DHRS4L2: variants seen among roughly 807,000 people sequenced by gnomAD.
DHRS4L2 encodes the protein dehydrogenase/reductase SDR family member 4-like 2.
Under a neutral mutation model 23.9 loss-of-function variants are expected in DHRS4L2, and 22 were observed. The observed-to-expected ratio is 0.92, with a 90% CI of 0.66 to 1.31. DHRS4L2 has a LOEUF of 1.31. Ranked by LOEUF, DHRS4L2 falls within the 40% of genes most tolerant of loss-of-function variation. DHRS4L2 has a pLI of 0.00. For missense variants in DHRS4L2, 385 were observed against 303.3 expected, an observed-to-expected ratio of 1.27 and a Z score of -2.00; for synonymous variants, 141 against 123.7, an observed-to-expected ratio of 1.14 and a Z score of -0.93.
Position 23,988,958 on chromosome 14 carries a change from C to A in DHRS4L2, c.11C>A (p.Ala4Asp). The change falls in exon 1 of 8, where the codon GCC becomes GAC. Residue 4 changes from alanine (A) to aspartate (D), a missense_variant. By Grantham distance (126) the Ala-to-Asp change is moderately radical. Coordinates refer to ENST00000335125, the MANE Select transcript of DHRS4L2 (RefSeq NM_198083.4). Reference protein sequence around the residue: MQMARLLGLCAWAR... With the variant: MQMDRLLGLCAWAR... ...TTGCTGGTCTGATCCATGCAGATGG[C>A]CAGGCTGCTAGGCCTCTGTGCCTGG... is the stretch of plus-strand genomic sequence containing the variant. 6.2e-7 allele frequency: 1 copy of A among 1,612,078 alleles called. No individual in the cohort carries two copies.
chr14:23,991,928 G>T (rs893568424), intron 2 of DHRS4L2, among the ~76,000 whole-genome samples: 1 of 151,236 alleles, frequency 6.6e-6, no homozygotes, highest in African/African-American at 2.4e-5. Context: ...TAGAGACGGG[G>T]TTTCACCATG....
intron 2 of DHRS4L2, among the ~76,000 whole-genome samples, chr14:23,993,800 C>T (rs567803536): frequency 3.3e-5 from 5 of 151,608 alleles, no homozygotes; most frequent in Non-Finnish European, 7.4e-5. Context: ...GCTTTAAATT[C>T]AGGCTGGTAT....
Position 23,977,885 on chromosome 14 carries a change from G to A in DHRS4L2, c.-176+7553G>A, listed in dbSNP as rs189648443. Among the ~76,000 whole-genome samples, 215 of 151,684 alleles carry A rather than the reference G, an allele frequency of 1.4e-3. 7 individuals carry two copies. The highest frequency in any genetic ancestry group is 0.014 in the Admixed American group (213 of 15,256). ...TATCCTTCCCAAAAATAAACACTGC[G>A]TATAACTGATCAAATGGCTGTAACT... On this transcript the variant is annotated intron_variant, in intron 1 of 5. Coordinates refer to the DHRS4L2 transcript ENST00000534993.
chr14:23,972,594 C>T (rs1018430971), intron 1 of DHRS4L2, among the ~76,000 whole-genome samples: 2 of 151,930 alleles, frequency 1.3e-5, no homozygotes, highest in African/African-American at 4.8e-5. Context: ...TGCCCCTCCA[C>T]ACCTGTGGGT....
intron 6 of DHRS4L2, 95 bp downstream of exon 6, chr14:24,001,612 G>A (rs2138560947): frequency 5.9e-6 from 9 of 1,521,630 alleles, no homozygotes; most frequent in South Asian, 2.5e-5. Flanking sequence ...TGAGCTCTCA[G>A]CCACTCCATT....
chr14:23,990,168 C>G lies in DHRS4L2; in HGVS notation c.129-14C>G, dbSNP rs765781672. Reference sequence around the variant, plus strand: ...GCACAGGCCTTAGCAGTCTTTGTCTCTTTCTGCTCACAGGATCGGCTTCGC... The same window carrying G: ...GCACAGGCCTTAGCAGTCTTTGTCTGTTTCTGCTCACAGGATCGGCTTCGC... On this transcript the variant is annotated splice_polypyrimidine_tract_variant and intron_variant, in intron 1 of 7. Coordinates refer to ENST00000335125, the MANE Select transcript of DHRS4L2 (RefSeq NM_198083.4). The G allele has an allele frequency of 5.8e-5, 93 of 1,612,486 alleles. 4 individuals carry two copies. Among genetic ancestry groups the G allele is most frequent in the Non-Finnish European group, 7.5e-5 (89 of 1,179,278 alleles).
At chr14:23,971,468 G>C (rs1381187408) in intron 1 of DHRS4L2, among the ~76,000 whole-genome samples, 7 of 151,914 alleles carry the variant, frequency 4.6e-5, no homozygotes, top group Non-Finnish European at 1.0e-4. Flanking sequence ...AAATAAAAAA[G>C]AAACATTCAA....
chr14:23,987,872 C>G (rs920538718), upstream of DHRS4L2, among the ~76,000 whole-genome samples: 55 of 150,538 alleles, frequency 3.7e-4, 1 homozygote, highest in Non-Finnish European at 5.5e-4. Context: ...GGGTCTGTTG[C>G]GGCCTTTCTA....
At chr14:23,987,200 G>A (rs1594461459), upstream of DHRS4L2, 2 of 352,168 alleles carry the variant, frequency 5.7e-6, no homozygotes, top group Non-Finnish European at 1.1e-5. Flanking sequence ...GCGTGATCTT[G>A]GCTCACTGCA....
At position 24,001,957 on chromosome 14, in the gene DHRS4L2, CTT is replaced by C. The variant is rs762131811; in HGVS notation, c.665+455_665+456del. Among the ~76,000 whole-genome samples, 21 of 5,516 alleles carry C rather than the reference CTT, an allele frequency of 3.8e-3. 10 individuals carry two copies. In the East Asian group the frequency reaches 0.71, roughly 186 times the overall value. 3.6% of individuals were successfully genotyped at this position (5,516 alleles called of 152,430 possible). ...CCTTTCCATTCTTCACTTTCCTCTT[CTT>C]TTTTTTTTTTTTTTCTTTTTTAATT... On this transcript the variant is annotated intron_variant, in intron 6 of 7. Transcript: ENST00000335125.
chr14:23,993,518 C>T (rs1196920072), intron 2 of DHRS4L2, among the ~76,000 whole-genome samples: 2 of 151,504 alleles, frequency 1.3e-5, no homozygotes, highest in African/African-American at 4.8e-5. Context: ...TGCAACTTGC[C>T]CAAGGCATCA....
chr14:23,984,612 T>C (rs1358387804), upstream of DHRS4L2, among the ~76,000 whole-genome samples: 1 of 151,034 alleles, frequency 6.6e-6, no homozygotes, highest in Non-Finnish European at 1.5e-5. Context: ...CTGGCCAACA[T>C]GGTGAAACCC....
chr14:23,973,405 G>A (rs2033903921), intron 1 of DHRS4L2, among the ~76,000 whole-genome samples: 1 of 151,904 alleles, frequency 6.6e-6, no homozygotes, highest in Admixed American at 6.5e-5. Flanking sequence ...GCCAGCTCCA[G>A]TCTCAGCCAG....
chr14:23,969,954 C>A (rs1347056203), exon 1 of DHRS4L2: 2 of 453,532 alleles, frequency 4.4e-6, no homozygotes, highest in South Asian at 1.6e-5. Context: ...CTCACGCAAC[C>A]GCCACTGTCT....
intron 2 of DHRS4L2, among the ~76,000 whole-genome samples, chr14:23,992,001 C>T (rs546666657): frequency 6.6e-6 from 1 of 151,636 alleles, no homozygotes; most frequent in African/African-American, 2.4e-5. Flanking sequence ...TCTCAAAGTG[C>T]TGGGATTACA....
intron 1 of DHRS4L2, 84 bp from the exon 2 acceptor site, chr14:23,990,098 C>A: frequency 6.4e-7 from 1 of 1,567,714 alleles, no homozygotes; most frequent in Non-Finnish European, 8.6e-7. Context: ...AATTCAAACC[C>A]GGGCAGTCTT....
chr14:23,973,501 C>G (rs1179682036), intron 1 of DHRS4L2, among the ~76,000 whole-genome samples: 2 of 151,854 alleles, frequency 1.3e-5, no homozygotes, highest in African/African-American at 4.8e-5. Context: ...GAGGAGGTGC[C>G]AAGAGTGAGC....
intron 1 of DHRS4L2, among the ~76,000 whole-genome samples, chr14:23,976,441 A>C (rs955417598): frequency 5.3e-5 from 8 of 151,942 alleles, no homozygotes; most frequent in Non-Finnish European, 1.5e-5. Context: ...CAACATTAAA[A>C]AGTCAGGAAA....
At chr14:23,972,693 G>A (rs578182629) in intron 1 of DHRS4L2, among the ~76,000 whole-genome samples, 4 of 152,012 alleles carry the variant, frequency 2.6e-5, no homozygotes, top group African/African-American at 9.6e-5. Flanking sequence ...CCAGGGGACC[G>A]GCGCTCAGCA....
Sources: gnomAD v4.1 joint callset for allele counts (sites outside exome capture counted in the v4.1 genomes callset) on GRCh38, gnomAD v4.1.1 for gene constraint, MANE v1.5 for transcripts, NCBI Gene and HGNC (gene_info 2026-07-23, HGNC 2026-07-21) for gene names.